The following SCARA5 variants were observed in gnomAD, a reference collection of about 807,000 sequenced individuals.
SCARA5 encodes the protein scavenger receptor class A member 5, also known as scavenger receptor class A, member 5 (putative).
In SCARA5, 45 loss-of-function variants were observed where a neutral mutation model predicts 46.3. That is an observed-to-expected ratio of 0.97 (90% CI 0.76 to 1.24). SCARA5 has a LOEUF of 1.24. Among genes scored for constraint, SCARA5 ranks in the 50% most tolerant of loss-of-function variants. The pLI is 0.00. For missense variants in SCARA5, 680 were observed against 689.0 expected, an observed-to-expected ratio of 0.99 and a Z score of 0.15; for synonymous variants, 333 against 306.5, an observed-to-expected ratio of 1.09 and a Z score of -0.90.
Position 27,871,485 on chromosome 8 carries a change from A to G in SCARA5, c.*449T>C. On this transcript the variant is annotated 3_prime_UTR_variant, in exon 9 of 9. Transcript: ENST00000354914. The stretch of plus-strand genomic sequence containing the variant: ...ACGTTGCCTCTTGCTGGGGAGGAAG[A>G]TGTAGAAACTCTTGGACTAATGGAG... The G allele has an allele frequency of 2.0e-6, 2 of 991,110 alleles. No homozygotes were observed. The highest frequency in any genetic ancestry group is 2.4e-6 in the Non-Finnish European group (2 of 833,386). 61.4% of individuals were successfully genotyped at this position (991,110 alleles called of 1,614,324 possible).
chr8:27,977,656 G>T (rs1281422072), intron 2 of SCARA5, among the ~76,000 whole-genome samples: 1 of 152,136 alleles, frequency 6.6e-6, no homozygotes, highest in Admixed American at 6.5e-5. Context: ...CCCAGCACTT[G>T]TGTTCACTGT....
At chr8:27,976,132 G>A (rs957921109) in intron 2 of SCARA5, among the ~76,000 whole-genome samples, 2 of 152,156 alleles carry the variant, frequency 1.3e-5, no homozygotes, top group Admixed American at 6.5e-5. Flanking sequence ...GCTGAGGGGT[G>A]GAGAGAGGAA....
chr8:27,947,703 T>G (rs1376573607), intron 3 of SCARA5, among the ~76,000 whole-genome samples: 1 of 136,000 alleles, frequency 7.4e-6, no homozygotes. Context: ...AAACCGTGTC[T>G]CTACTAAAAA....
In SCARA5 at chr8:27,877,704, G is replaced by C. The variant is rs573445632; in HGVS notation, c.1351+1865C>G. On this transcript the variant is annotated intron_variant, in intron 8 of 8. Coordinates refer to ENST00000354914, the MANE Select transcript of SCARA5 (RefSeq NM_173833.6). Reference sequence around the variant, plus strand: ...AAAACCAGCTGGAATCCAGCCCCAAGCCTTAGGTGGGAGAACAGTATTCTT... The same window carrying C: ...AAAACCAGCTGGAATCCAGCCCCAACCCTTAGGTGGGAGAACAGTATTCTT... Among the ~76,000 whole-genome samples, 18 of 152,280 alleles carry C rather than the reference G, an allele frequency of 1.2e-4. No individual in the cohort carries two copies. The East Asian group carries it at 2.9e-3, about 24-fold the overall frequency.
intron 3 of SCARA5, among the ~76,000 whole-genome samples, chr8:27,946,320 A>G (rs376970753): frequency 6.6e-6 from 1 of 152,228 alleles, no homozygotes; most frequent in Non-Finnish European, 1.5e-5. Flanking sequence ...CGTGAAAACA[A>G]CTGACTTTAG....
At chr8:27,973,507 C>T (rs1048455213) in intron 2 of SCARA5, among the ~76,000 whole-genome samples, 11 of 152,088 alleles carry the variant, frequency 7.2e-5, no homozygotes, top group African/African-American at 2.4e-4. Context: ...TAATTAAAAG[C>T]TGGGCTTTCT....
chr8:27,914,612 C>G (rs1807431747), intron 4 of SCARA5, among the ~76,000 whole-genome samples: 1 of 152,256 alleles, frequency 6.6e-6, no homozygotes, highest in African/African-American at 2.4e-5. Context: ...GCCATGACAT[C>G]TGTTGTTCCA....
intron 8 of SCARA5, among the ~76,000 whole-genome samples, chr8:27,872,326 C>A (rs1806652709): frequency 6.6e-6 from 1 of 152,178 alleles, no homozygotes; most frequent in Non-Finnish European, 1.5e-5. Context: ...AGCCGGACAA[C>A]CTCTCCTTTT....
chr8:27,924,763 TA>T (rs1024576806), intron 3 of SCARA5, among the ~76,000 whole-genome samples: 1 of 152,194 alleles, frequency 6.6e-6, no homozygotes, highest in African/African-American at 2.4e-5. Flanking sequence ...AAAATCTCCT[TA>T]AGCTGATAAG....
chr8:27,932,212 T>G (rs1307549391), intron 3 of SCARA5, among the ~76,000 whole-genome samples: 1 of 152,096 alleles, frequency 6.6e-6, no homozygotes, highest in Non-Finnish European at 1.5e-5. Flanking sequence ...ACTCCTAGAC[T>G]CAAGCAATCT....
At position 27,936,975 on chromosome 8, in the gene SCARA5, G is replaced by A. The variant is rs539488183; in HGVS notation, c.242-14730C>T. On this transcript the variant is annotated intron_variant, in intron 3 of 8. Transcript: ENST00000354914. ...AATTCTAAATCAAAAGCCTCCTATTGAGAATATTCCCGGATTCCCATTTTG... is the reference window on the plus strand; with the variant it reads ...AATTCTAAATCAAAAGCCTCCTATTAAGAATATTCCCGGATTCCCATTTTG... Among the ~76,000 whole-genome samples the A allele has an allele frequency of 3.3e-4, 51 of 152,254 alleles. 1 individual carries two copies. The Middle Eastern group carries it at 0.014, about 41-fold the overall frequency.
At chr8:27,932,807 T>C (rs1585498232) in intron 3 of SCARA5, among the ~76,000 whole-genome samples, 1 of 152,348 alleles carries the variant, frequency 6.6e-6, no homozygotes, top group Middle Eastern at 3.4e-3. Flanking sequence ...TTTTTTGTAT[T>C]TTTAGTAGAG....
At chr8:27,933,661 A>G (rs1180389409) in intron 3 of SCARA5, among the ~76,000 whole-genome samples, 1 of 152,204 alleles carries the variant, frequency 6.6e-6, no homozygotes, top group Non-Finnish European at 1.5e-5. Context: ...GAAATATTTA[A>G]GTCATAAAAT....
chr8:27,907,665 G>A (rs1379117479), intron 5 of SCARA5, among the ~76,000 whole-genome samples: 2 of 147,270 alleles, frequency 1.4e-5, no homozygotes, highest in Non-Finnish European at 3.0e-5. Flanking sequence ...CGCCTCCTAG[G>A]TTCAGGCAAT....
rs1436465028 is a variant in SCARA5, at chr8:27,922,043, C to T, written c.444G>A (p.Arg148=). The change falls in exon 4 of 9, where the codon CGG becomes CGA. Residue 148 remains arginine (R), a synonymous_variant. Coordinates refer to ENST00000354914, the MANE Select transcript of SCARA5 (RefSeq NM_173833.6). ...SLLALAGAVQ[R]LEGALWGLQA... is the part of the protein sequence containing the mutation. ...GCAGCCCCCACAGCGCGCCCTCCAG[C>T]CGCTGCACTGCGCCCGCCAGCGCCA... is the stretch of plus-strand genomic sequence containing the variant. 1 of 1,577,268 alleles carries T rather than the reference C, an allele frequency of 6.3e-7. No homozygotes were observed. Among genetic ancestry groups the T allele is most frequent in the South Asian group, 1.1e-5 (1 of 87,148 alleles).
chr8:27,875,212 TCCCTCTCTTCACTCCTCCCTC>T, intron 8 of SCARA5, among the ~76,000 whole-genome samples: 1 of 75,626 alleles, frequency 1.3e-5, no homozygotes, highest in African/African-American at 4.0e-5. Context: ...CCTCCCTCCC[TCCCTCTCTTCACTCCTCCCTC>T]CTTTTCTTCC....
intron 3 of SCARA5, among the ~76,000 whole-genome samples, chr8:27,947,739 G>C (rs1375353200): frequency 1.3e-5 from 2 of 151,884 alleles, no homozygotes; most frequent in African/African-American, 2.4e-5. Flanking sequence ...GTCAGGCATG[G>C]TGGCACATGC....
rs565527268 is a variant in SCARA5, at chr8:27,941,880, G to A, written c.242-19635C>T. Among the ~76,000 whole-genome samples, 47 of 151,096 alleles carry A rather than the reference G, an allele frequency of 3.1e-4. 1 individual carries two copies. In the South Asian group the frequency reaches 9.5e-3, roughly 30 times the overall value. On this transcript the variant is annotated intron_variant, in intron 3 of 8. Coordinates refer to ENST00000354914, the MANE Select transcript of SCARA5 (RefSeq NM_173833.6). The stretch of plus-strand genomic sequence containing the variant: ...CTTACTCTGTCACCCAGGCTGGAGG[G>A]CAGTGATGTGATCTCGGCTCACTGC...
chr8:27,963,974 T>C (rs1424422047), intron 3 of SCARA5, among the ~76,000 whole-genome samples: 1 of 152,178 alleles, frequency 6.6e-6, no homozygotes, highest in Admixed American at 6.5e-5. Flanking sequence ...GGCAGTGAGT[T>C]CTACCCAAGA....
Sources: allele counts gnomAD v4.1 joint callset (sites outside exome capture counted in the v4.1 genomes callset), GRCh38; gene constraint gnomAD v4.1.1; transcripts MANE v1.5; gene names NCBI Gene and HGNC (gene_info 2026-07-23, HGNC 2026-07-21).